The following SYN3 variants were observed in gnomAD, a reference collection of about 807,000 sequenced individuals.
The protein encoded by SYN3 is synapsin III.
Under a neutral mutation model 65.8 loss-of-function variants are expected in SYN3, and 35 were observed. The ratio of observed to expected loss-of-function variants is 0.53; its 90% CI spans 0.41 to 0.70. The LOEUF is 0.70. Ranked by LOEUF, SYN3 falls within the 30% of genes least tolerant of loss-of-function variation. SYN3 has a pLI of 0.00. For missense variants in SYN3, 680 were observed against 749.0 expected (o/e 0.91, Z 1.08); for synonymous variants, 270 against 292.9 (o/e 0.92, Z 0.80).
Position 32,569,447 on chromosome 22 carries a change from CTTCTCTA to C in SYN3, c.774+27220_774+27226del, listed in dbSNP as rs1310693755. Among the ~76,000 whole-genome samples the C allele has an allele frequency of 4.6e-3, 678 of 145,962 alleles. 3 individuals carry two copies. The highest frequency in any genetic ancestry group is 0.016 in the African/African-American group (617 of 38,594). On this transcript the variant is annotated intron_variant, in intron 7 of 13. Coordinates refer to ENST00000358763, the MANE Select transcript of SYN3 (RefSeq NM_003490.4). ...TCTATCTATCTATCTATCTATCTAT[CTTCTCTA>C]TCTATCTAAAATCTATCAATTGATC... is the stretch of plus-strand genomic sequence containing the variant.
intron 4 of SYN3, among the ~76,000 whole-genome samples, chr22:32,911,639 C>T (rs763521496): frequency 2.0e-5 from 3 of 152,056 alleles, no homozygotes; most frequent in Admixed American, 6.6e-5. Context: ...CTCTCAGCTC[C>T]GAGGGTGGTA....
At chr22:33,049,399 T>C (rs1288073327) in intron 1 of SYN3, among the ~76,000 whole-genome samples, 1 of 152,220 alleles carries the variant, frequency 6.6e-6, no homozygotes, top group Non-Finnish European at 1.5e-5. Flanking sequence ...CAGCTAGCTT[T>C]GCCCTCCAGC....
chr22:32,513,616 C>G lies in SYN3; in HGVS notation c.*76G>C. 1 of 1,570,722 alleles carries G rather than the reference C, an allele frequency of 6.4e-7. No individual in the cohort carries two copies. The highest frequency in any genetic ancestry group is 1.2e-5 in the South Asian group (1 of 85,240). ...CCTCCATTCTGTTCCCATCAGGAAC[C>G]AAGGCTGAGAAGGAAGATGAGGCAG... On this transcript the variant is annotated 3_prime_UTR_variant, in exon 14 of 14. Coordinates refer to ENST00000358763, the MANE Select transcript of SYN3 (RefSeq NM_003490.4).
intron 6 of SYN3, among the ~76,000 whole-genome samples, chr22:32,710,161 T>C (rs2060940461): frequency 6.7e-6 from 1 of 149,948 alleles, no homozygotes; most frequent in Non-Finnish European, 1.5e-5. Flanking sequence ...TTTCCAGATA[T>C]GCCCTGATAT....
At chr22:32,621,449 T>C (rs2059592642) in intron 6 of SYN3, among the ~76,000 whole-genome samples, 1 of 152,096 alleles carries the variant, frequency 6.6e-6, no homozygotes, top group South Asian at 2.1e-4. Context: ...ACTGAAAGAC[T>C]GGGGCTCTAA....
chr22:32,689,104 AG>A (rs1274229705), intron 6 of SYN3, among the ~76,000 whole-genome samples: 2 of 152,186 alleles, frequency 1.3e-5, no homozygotes, highest in Non-Finnish European at 2.9e-5. Context: ...TGGTACAACT[AG>A]GGGTAGTGGG....
intron 4 of SYN3, among the ~76,000 whole-genome samples, chr22:32,870,209 C>T (rs1245805334): frequency 1.3e-5 from 2 of 152,136 alleles, no homozygotes; most frequent in Non-Finnish European, 2.9e-5. Context: ...ACAAAATGCT[C>T]ATAATTTTAC....
chr22:32,619,196 T>C (rs1000186201), intron 6 of SYN3, among the ~76,000 whole-genome samples: 1 of 152,186 alleles, frequency 6.6e-6, no homozygotes, highest in African/African-American at 2.4e-5. Flanking sequence ...CATGAACACG[T>C]TGAGGTCCGA....
intron 6 of SYN3, among the ~76,000 whole-genome samples, chr22:32,834,728 A>T (rs1177009251): frequency 6.6e-6 from 1 of 152,162 alleles, no homozygotes; most frequent in Non-Finnish European, 1.5e-5. Flanking sequence ...CTTTGCAGGG[A>T]GAGGTGCACT....
intron 6 of SYN3, among the ~76,000 whole-genome samples, chr22:32,696,732 C>T (rs2060741706): frequency 6.6e-6 from 1 of 152,156 alleles, no homozygotes; most frequent in South Asian, 2.1e-4. Flanking sequence ...TCCCACCTTC[C>T]TTATTCTCAA....
chr22:32,684,349 G>A (rs900297175), intron 6 of SYN3, among the ~76,000 whole-genome samples: 2 of 152,156 alleles, frequency 1.3e-5, no homozygotes, highest in Non-Finnish European at 2.9e-5. Context: ...GAGCCCTGAT[G>A]ACATCATTTC....
chr22:32,650,232 T>C (rs140828729), intron 6 of SYN3, among the ~76,000 whole-genome samples: 5,258 of 80,880 alleles, frequency 0.065, 173 homozygotes, highest in South Asian at 0.17. Context: ...TCTCTCTCTC[T>C]CCCTCCCTCC....
chr22:33,016,788 T>C (rs1187020674), intron 1 of SYN3, among the ~76,000 whole-genome samples: 1 of 152,224 alleles, frequency 6.6e-6, no homozygotes, highest in Non-Finnish European at 1.5e-5. Context: ...GAATTCCTTA[T>C]ATATTTTGGA....
chr22:32,970,471 G>A (rs1198618655), intron 3 of SYN3, among the ~76,000 whole-genome samples: 3 of 141,718 alleles, frequency 2.1e-5, no homozygotes, highest in East Asian at 2.1e-4. Context: ...GCAAGACCCC[G>A]TCTCTATTTG....
At chr22:32,628,489 G>C (rs937489441) in intron 6 of SYN3, among the ~76,000 whole-genome samples, 30 of 152,152 alleles carry the variant, frequency 2.0e-4, no homozygotes, top group African/African-American at 7.2e-4. Flanking sequence ...TGCTGACAAA[G>C]TGCAGCCCCA....
chr22:32,894,854 C>T (rs1311402118), intron 4 of SYN3, among the ~76,000 whole-genome samples: 2 of 152,272 alleles, frequency 1.3e-5, no homozygotes, highest in East Asian at 1.9e-4. Context: ...AGGGAGAATT[C>T]GCTCTCCCTG....
intron 6 of SYN3, among the ~76,000 whole-genome samples, chr22:32,702,011 T>C (rs991310264): frequency 6.6e-6 from 1 of 152,228 alleles, no homozygotes; most frequent in Non-Finnish European, 1.5e-5. Flanking sequence ...CTTTCAGGAA[T>C]AAATTCATGT....
At chr22:32,815,296 T>TG (rs1261998564) in intron 6 of SYN3, among the ~76,000 whole-genome samples, 2 of 152,214 alleles carry the variant, frequency 1.3e-5, no homozygotes, top group African/African-American at 4.8e-5. Flanking sequence ...AGGGAACCCA[T>TG]GTGCGGTGAC....
intron 6 of SYN3, among the ~76,000 whole-genome samples, chr22:32,670,388 TA>T (rs1359532692): frequency 4.6e-5 from 7 of 152,322 alleles, no homozygotes; most frequent in Middle Eastern, 6.8e-3. Context: ...CTTTAGGCTA[TA>T]GGGGGGAAAA....
Sources: gnomAD v4.1 joint callset for allele counts (sites outside exome capture counted in the v4.1 genomes callset) on GRCh38, gnomAD v4.1.1 for gene constraint, MANE v1.5 for transcripts, NCBI Gene and HGNC (gene_info 2026-07-23, HGNC 2026-07-21) for gene names.